UPF2: variants seen among roughly 807,000 people sequenced by gnomAD.
The protein encoded by UPF2 is regulator of nonsense transcripts 2.
UPF2 carries 17 observed loss-of-function variants against 141.4 expected under a neutral mutation model. The ratio of observed to expected loss-of-function variants is 0.12; its 90% CI spans 0.08 to 0.18. UPF2 has a LOEUF of 0.18. UPF2 is among the 10% of genes least tolerant of loss of function. UPF2 has a pLI of 1.00. For missense variants in UPF2, 1,152 were observed against 1,515.9 expected, an observed-to-expected ratio of 0.76 and a Z score of 3.99; for synonymous variants, 540 against 498.0, an observed-to-expected ratio of 1.08 and a Z score of -1.12.
At chr10:11,946,925 C>G (rs1263365057) in intron 16 of UPF2, among the ~76,000 whole-genome samples, 1 of 152,200 alleles carries the variant, frequency 6.6e-6, no homozygotes, top group Non-Finnish European at 1.5e-5. Flanking sequence ...GAATCATGGG[C>G]CAAATGCGGC....
intron 21 of UPF2, among the ~76,000 whole-genome samples, chr10:11,923,636 C>T (rs971245137): frequency 3.4e-5 from 5 of 145,668 alleles, no homozygotes. Context: ...GCAGAGATCA[C>T]GCCACTGCAC....
chr10:12,013,966 AAGGT>A (rs1834175149), intron 4 of UPF2, 54 bp downstream of exon 4: 1 of 1,395,628 alleles, frequency 7.2e-7, no homozygotes, highest in African/African-American at 1.5e-5. Flanking sequence ...GATAAGCCTA[AAGGT>A]AAGTGACAGT....
At chr10:12,020,282 C>T (rs184857975) in intron 3 of UPF2, among the ~76,000 whole-genome samples, 14 of 149,802 alleles carry the variant, frequency 9.3e-5, no homozygotes, top group African/African-American at 2.9e-4. Flanking sequence ...GACGGAGTTT[C>T]GCTCTGTCAC....
chr10:11,974,568 T>C (rs999675495), intron 9 of UPF2, among the ~76,000 whole-genome samples: 1 of 152,176 alleles, frequency 6.6e-6, no homozygotes, highest in East Asian at 1.9e-4. Context: ...ACCTAATTTA[T>C]TGAGAGTTTT....
chr10:12,042,252 G>A lies in UPF2; in HGVS notation c.-19+503C>T, dbSNP rs943490310. 6.6e-6 allele frequency among the ~76,000 whole-genome samples: 1 copy of A among 151,696 alleles called. No individual in the cohort carries two copies. The highest frequency in any genetic ancestry group is 1.9e-4 in the East Asian group (1 of 5,168). On this transcript the variant is annotated intron_variant, in intron 1 of 21. Coordinates refer to ENST00000357604, the MANE Select transcript of UPF2 (RefSeq NM_015542.4). This position sits in a 1 kb window ranked among gnomAD's most constrained non-coding sequence, Gnocchi z 5.5. ...ACAGGTATCCACGGTCACCTTCGCG[G>A]ACCATCGCTGCCCCAACCCCAACTT...
chr10:11,927,178 CA>C (rs1832724049), intron 21 of UPF2, among the ~76,000 whole-genome samples: 1 of 152,160 alleles, frequency 6.6e-6, no homozygotes, highest in Non-Finnish European at 1.5e-5. Context: ...CGGAGGGAGG[CA>C]AATCCTACTG....
intron 16 of UPF2, among the ~76,000 whole-genome samples, chr10:11,945,150 G>A (rs986068264): frequency 7.2e-5 from 11 of 152,122 alleles, no homozygotes; most frequent in Non-Finnish European, 1.6e-4. Context: ...GAGTTATCAC[G>A]GAAGAACATT....
intron 4 of UPF2, 129 bp from the exon 5 acceptor site, chr10:12,004,856 A>G: frequency 1.2e-6 from 1 of 836,218 alleles, no homozygotes; most frequent in Non-Finnish European, 1.8e-6. Context: ...AACTTCTTCA[A>G]TTAACAAGCA....
intron 2 of UPF2, among the ~76,000 whole-genome samples, chr10:12,034,633 C>T (rs1448224114): frequency 6.6e-6 from 1 of 152,070 alleles, no homozygotes; most frequent in East Asian, 1.9e-4. Flanking sequence ...TGGTGAAACG[C>T]CATCTCTACA....
In UPF2 at chr10:11,959,051, A is replaced by T; in HGVS notation, c.2370+120T>A. ...TAAGAATTCCTTCTTAGGGTGACTT[A>T]CACAGAGCTGATTATAAAGGAACTT... On this transcript the variant is annotated intron_variant, in intron 12 of 21. Transcript: ENST00000357604. The surrounding 1 kb of genome is among the most constrained non-coding windows in gnomAD (Gnocchi z 5.9). 1 of 895,126 alleles carries T rather than the reference A, an allele frequency of 1.1e-6. No individual in the cohort carries two copies. The highest frequency in any genetic ancestry group is 1.6e-6 in the Non-Finnish European group (1 of 639,210). 55.4% of individuals were successfully genotyped at this position (895,126 alleles called of 1,614,324 possible). A position where few individuals can be genotyped will look rare whatever the true frequency, so the allele number is the denominator to read the frequency against.
Position 11,964,053 on chromosome 10 carries a change from G to C in UPF2, c.2140C>G (p.Leu714Val). Residue 714 changes from leucine (L) to valine (V), a missense_variant, in exon 11 of 22, where the codon CTT (leucine) becomes GTT (valine). Leu to Val is a conservative substitution (Grantham distance 32). Coordinates refer to ENST00000357604, the MANE Select transcript of UPF2 (RefSeq NM_015542.4). ...CTLLETCGRF[L>V]FRSPESHLRT... is the part of the protein sequence containing the mutation. ...AGGTGAGATTCTGGAGATCTGAAAA[G>C]AAACCGTCCACATGTCTCCAGCAGG... 4 of 1,613,952 alleles carry C rather than the reference G, an allele frequency of 2.5e-6. No homozygotes were observed. The highest frequency in any genetic ancestry group is 2.2e-5 in the East Asian group (1 of 44,868).
chr10:12,025,184 T>A (rs1834397211), intron 3 of UPF2, among the ~76,000 whole-genome samples: 1 of 152,130 alleles, frequency 6.6e-6, no homozygotes, highest in South Asian at 2.1e-4. Context: ...ATGCCAATTA[T>A]TTTCTACATG....
At chr10:11,983,382 A>AT (rs983867091) in intron 8 of UPF2, among the ~76,000 whole-genome samples, 13 of 150,734 alleles carry the variant, frequency 8.6e-5, no homozygotes, top group South Asian at 2.1e-4. Flanking sequence ...TTATTTACTT[A>AT]TTTTTTTTTA....
intron 21 of UPF2, among the ~76,000 whole-genome samples, chr10:11,926,120 G>C (rs1832709903): frequency 6.6e-6 from 1 of 152,194 alleles, no homozygotes. Context: ...GAATAGAAAA[G>C]GCAAGAGTGA....
intron 21 of UPF2, among the ~76,000 whole-genome samples, chr10:11,925,309 T>C (rs1210102538): frequency 6.6e-6 from 1 of 152,166 alleles, no homozygotes; most frequent in Non-Finnish European, 1.5e-5. Flanking sequence ...TTTTCTTTTT[T>C]TAAGGTGCTA....
At chr10:12,012,687 T>C (rs1257728725) in intron 4 of UPF2, among the ~76,000 whole-genome samples, 1 of 151,148 alleles carries the variant, frequency 6.6e-6, no homozygotes, top group Non-Finnish European at 1.5e-5. Flanking sequence ...TAGTCCCAGC[T>C]ATTCGGGAGG....
At chr10:11,963,794 C>T (rs1833276736) in intron 11 of UPF2, among the ~76,000 whole-genome samples, 1 of 152,200 alleles carries the variant, frequency 6.6e-6, no homozygotes, top group Non-Finnish European at 1.5e-5. Flanking sequence ...TTAATTACCC[C>T]TTGCAATACT....
At chr10:11,984,997 G>C (rs953403901) in intron 8 of UPF2, among the ~76,000 whole-genome samples, 4 of 152,182 alleles carry the variant, frequency 2.6e-5, no homozygotes, top group African/African-American at 7.2e-5. Context: ...ACAGGCGTGA[G>C]CCACCGCGCC....
Position 12,007,052 on chromosome 10 carries a change from A to G in UPF2, c.1307-2325T>C, listed in dbSNP as rs1564364067. On this transcript the variant is annotated intron_variant, in intron 4 of 21. Transcript: ENST00000357604. ...ACAGAGGAACAAGTTTCTGTTGTTC[A>G]TAAGTTGCCCGGTCTAGGGTATTTT... Among the ~76,000 whole-genome samples the G allele has an allele frequency of 6.6e-5, 10 of 152,334 alleles. No individual in the cohort carries two copies. The South Asian group carries it at 2.1e-3, about 32-fold the overall frequency.
Sources: allele counts gnomAD v4.1 joint callset (sites outside exome capture counted in the v4.1 genomes callset), GRCh38; gene constraint gnomAD v4.1.1; non-coding constraint Gnocchi (gnomAD v3.1); transcripts MANE v1.5; gene names NCBI Gene and HGNC (gene_info 2026-07-23, HGNC 2026-07-21).